The following LRCH2 variants were observed in gnomAD, a reference collection of about 807,000 sequenced individuals.
LRCH2 encodes leucine rich repeats and calponin homology domain containing 2.
In LRCH2, 38 loss-of-function variants were observed where a neutral mutation model predicts 68.9. That is an observed-to-expected ratio of 0.55 (90% CI 0.43 to 0.72). The LOEUF is 0.72. Among genes scored for constraint, LRCH2 ranks in the 30% least tolerant of loss-of-function variants. The pLI is 0.00. For synonymous variants in LRCH2, 191 were observed against 208.1 expected (o/e 0.92, Z 0.71); for missense variants, 528 against 572.9 (o/e 0.92, Z 0.80).
chrX:115,191,200 G>T (rs199555424), intron 1 of LRCH2: 1 of 1,159,320 alleles, frequency 8.6e-7, no homozygotes, highest in East Asian at 3.3e-5. Flanking sequence ...CCGCTACGGA[G>T]GAGGAGGCTG....
intron 15 of LRCH2, among the ~76,000 whole-genome samples, chrX:115,128,552 C>A (rs1339330880): frequency 8.9e-6 from 1 of 112,191 alleles, no homozygotes; most frequent in Non-Finnish European, 1.9e-5. Context: ...CTGTACTCAC[C>A]TATTTTTAGA....
intron 11 of LRCH2, among the ~76,000 whole-genome samples, chrX:115,160,191 C>T (rs2072508121): frequency 1.8e-5 from 2 of 110,379 alleles, no homozygotes; most frequent in Middle Eastern, 4.7e-3. Context: ...TAGCGCATGC[C>T]TGTAGTCCCA....
At chrX:115,158,954 T>G (rs2072495715) in intron 11 of LRCH2, among the ~76,000 whole-genome samples, 1 of 111,989 alleles carries the variant, frequency 8.9e-6, no homozygotes, top group Non-Finnish European at 1.9e-5. Context: ...CATGGAAATT[T>G]GTAAAACTGG....
rs1257606589 is a variant in LRCH2, at chrX:115,130,871, G to T, written c.1696-672C>A. ...CTTATATGTGAAAAAATGCTTCTTAGAGTCAAGAAAATACAGTATGACAAC... is the reference window on the plus strand; with the variant it reads ...CTTATATGTGAAAAAATGCTTCTTATAGTCAAGAAAATACAGTATGACAAC... On this transcript the variant is annotated intron_variant, in intron 14 of 20. Transcript: ENST00000317135. 2.7e-5 allele frequency among the ~76,000 whole-genome samples: 3 copies of T among 110,573 alleles called. No homozygotes were observed. The East Asian group carries it at 8.6e-4, about 32-fold the overall frequency.
intron 1 of LRCH2, among the ~76,000 whole-genome samples, chrX:115,188,838 GA>G (rs1183704068): frequency 9.0e-6 from 1 of 111,572 alleles, no homozygotes; most frequent in Non-Finnish European, 1.9e-5. Context: ...CTCAAAAAAA[GA>G]AAAAAACCTC....
At chrX:115,186,737 C>A (rs782457579) in intron 2 of LRCH2, among the ~76,000 whole-genome samples, 1 of 110,256 alleles carries the variant, frequency 9.1e-6, no homozygotes, top group Admixed American at 9.7e-5. Context: ...CTAAGCCAGG[C>A]CAAGGAGATT....
At chrX:115,230,211 C>T (rs1556578014) in intron 1 of LRCH2, among the ~76,000 whole-genome samples, 3 of 111,587 alleles carry the variant, frequency 2.7e-5, no homozygotes, top group Non-Finnish European at 5.7e-5. Context: ...GAAGACATTA[C>T]AGCAAGAGTC....
chrX:115,207,266 C>T (rs1556568588), intron 1 of LRCH2, among the ~76,000 whole-genome samples: 3 of 111,477 alleles, frequency 2.7e-5, no homozygotes, highest in East Asian at 2.8e-4. Flanking sequence ...TGGGTGCAGT[C>T]GGTGGCTCAT....
At chrX:115,206,487 A>G (rs1165147078) in intron 1 of LRCH2, among the ~76,000 whole-genome samples, 3 of 112,496 alleles carry the variant, frequency 2.7e-5, no homozygotes, top group Non-Finnish European at 3.7e-5. Flanking sequence ...CTGAACCACA[A>G]ACAATAGCAT....
chrX:115,129,040 C>T (rs1449324554), intron 15 of LRCH2, among the ~76,000 whole-genome samples: 3 of 112,130 alleles, frequency 2.7e-5, no homozygotes, highest in Non-Finnish European at 3.8e-5. Flanking sequence ...TTTTTAAAAA[C>T]TCAGTTTTGA....
intron 1 of LRCH2, among the ~76,000 whole-genome samples, chrX:115,205,804 G>A (rs2147348030): frequency 9.0e-6 from 1 of 110,611 alleles, no homozygotes; most frequent in African/African-American, 3.3e-5. Flanking sequence ...CAGGCATAGT[G>A]GCAAGCACCT....
intron 1 of LRCH2, among the ~76,000 whole-genome samples, chrX:115,229,776 A>G (rs1336107703): frequency 8.9e-6 from 1 of 111,980 alleles, no homozygotes; most frequent in African/African-American, 3.2e-5. Context: ...ACCTCACAAA[A>G]TCAAATGCTG....
intron 3 of LRCH2, among the ~76,000 whole-genome samples, chrX:115,183,214 G>A (rs1474093456): frequency 3.6e-5 from 4 of 111,028 alleles, no homozygotes; most frequent in Non-Finnish European, 7.5e-5. Flanking sequence ...AACATAAGGT[G>A]AAATTCAAGG....
At chrX:115,152,644 G>A (rs1036752038) in intron 12 of LRCH2, among the ~76,000 whole-genome samples, 1 of 111,368 alleles carries the variant, frequency 9.0e-6, no homozygotes, top group Non-Finnish European at 1.9e-5. Flanking sequence ...CAAACTTCAA[G>A]TGGCCTAATT....
At chrX:115,164,983 C>T (rs1310548112) in intron 10 of LRCH2, among the ~76,000 whole-genome samples, 1 of 110,871 alleles carries the variant, frequency 9.0e-6, no homozygotes, top group Non-Finnish European at 1.9e-5. Flanking sequence ...TCATAATCAG[C>T]ATGACCAAAT....
At chrX:115,186,338 A>T (rs1475601184) in intron 2 of LRCH2, among the ~76,000 whole-genome samples, 1 of 102,622 alleles carries the variant, frequency 9.7e-6, no homozygotes, top group East Asian at 3.0e-4. Flanking sequence ...ACAGAGCAAG[A>T]CTCCGTCTAA....
intron 1 of LRCH2, among the ~76,000 whole-genome samples, chrX:115,231,420 C>T (rs1185956268): frequency 3.6e-5 from 4 of 111,278 alleles, no homozygotes; most frequent in African/African-American, 9.8e-5. Flanking sequence ...AGTGGTCTCT[C>T]TACATTAAAA....
chrX:115,131,371 T>C (rs1020750172), intron 14 of LRCH2, among the ~76,000 whole-genome samples: 8 of 109,712 alleles, frequency 7.3e-5, no homozygotes, highest in Non-Finnish European at 1.5e-4. Flanking sequence ...TTTTCTGTCC[T>C]TGCGACAGTT....
chrX:115,136,468 T>C (rs2072290953), intron 14 of LRCH2, among the ~76,000 whole-genome samples: 1 of 109,701 alleles, frequency 9.1e-6, no homozygotes. Context: ...ATATTTTTTA[T>C]TTGTATTATT....
Sources: allele counts gnomAD v4.1 joint callset (sites outside exome capture counted in the v4.1 genomes callset), GRCh38; gene constraint gnomAD v4.1.1; transcripts MANE v1.5; gene names NCBI Gene and HGNC (gene_info 2026-07-23, HGNC 2026-07-21).